Variants in GPR174 observed in about 807,000 individuals in gnomAD.
The protein encoded by GPR174 is G protein-coupled receptor 174.
GPR174 carries 8 observed loss-of-function variants against 16.5 expected under a neutral mutation model. The ratio of observed to expected loss-of-function variants is 0.48; its 90% CI spans 0.28 to 0.87. GPR174 has a LOEUF of 0.87. Among genes scored for constraint, GPR174 ranks in the 40% least tolerant of loss-of-function variants. The pLI is 0.09. For missense variants in GPR174, 214 were observed against 247.5 expected, an observed-to-expected ratio of 0.86 and a Z score of 0.91; for synonymous variants, 111 against 94.8, an observed-to-expected ratio of 1.17 and a Z score of -0.99.
intron 2 of GPR174, among the ~76,000 whole-genome samples, chrX:79,166,899 C>T (rs1054110480): frequency 9.0e-6 from 1 of 111,573 alleles, no homozygotes; most frequent in Non-Finnish European, 1.9e-5. Flanking sequence ...AAGCTGCTCA[C>T]AATTTTCTGG....
intron 1 of GPR174, among the ~76,000 whole-genome samples, chrX:79,152,121 G>A (rs1602336469): frequency 1.8e-5 from 2 of 111,662 alleles, no homozygotes; most frequent in Middle Eastern, 9.1e-3. Context: ...CAAAAGGAAA[G>A]GGCTCAAAAA....
chrX:79,144,980 TTC>T lies in GPR174; in HGVS notation c.-889_-888del, dbSNP rs1926459026. 1.6e-5 allele frequency: 1 copy of T among 63,761 alleles called. No homozygotes were observed. Among genetic ancestry groups the T allele is most frequent in the Admixed American group, 2.0e-4 (1 of 4,921 alleles). The allele number at this position is 63,761 out of a possible 1,213,427, so 5.3% of individuals were successfully genotyped here. On this transcript the variant is annotated 5_prime_UTR_variant, in exon 1 of 3. Coordinates refer to ENST00000645147, the MANE Select transcript of GPR174 (RefSeq NM_032553.3). The stretch of plus-strand genomic sequence containing the variant: ...TTTCTTTCTTTCTCTTTCTTTCTTT[TTC>T]TTTCTTTCTTTCTCTCTCTCTCTCT...
intron 1 of GPR174, among the ~76,000 whole-genome samples, chrX:79,153,675 A>C (rs1921030480): frequency 1.8e-5 from 2 of 112,052 alleles, no homozygotes; most frequent in African/African-American, 6.5e-5. Context: ...ATTTGATGTA[A>C]AAAATTGACA....
At chrX:79,150,754 C>T (rs775949536) in intron 1 of GPR174, among the ~76,000 whole-genome samples, 4 of 112,052 alleles carry the variant, frequency 3.6e-5, no homozygotes, top group Non-Finnish European at 7.5e-5. Context: ...CAGTCTCACT[C>T]GTAAGCATAA....
chrX:79,172,072 C>A lies in GPR174; in HGVS notation c.*63C>A. On this transcript the variant is annotated 3_prime_UTR_variant, in exon 3 of 3. Coordinates refer to ENST00000645147, the MANE Select transcript of GPR174 (RefSeq NM_032553.3). ...TACATCAGAACATATCTGCAATACC[C>A]AAGCCACAGGGAAGAACTTGCAAAA... is the stretch of plus-strand genomic sequence containing the variant. The A allele has an allele frequency of 1.9e-6, 2 of 1,070,630 alleles. No homozygotes were observed. Among genetic ancestry groups the A allele is most frequent in the South Asian group, 2.2e-5 (1 of 44,565 alleles). The allele number at this position is 1,070,630 out of a possible 1,213,427, so 88.2% of individuals were successfully genotyped here. A position where few individuals can be genotyped will look rare whatever the true frequency, so the allele number is the denominator to read the frequency against.
chrX:79,169,745 G>A (rs981931034), intron 2 of GPR174, among the ~76,000 whole-genome samples: 2 of 111,754 alleles, frequency 1.8e-5, no homozygotes, highest in African/African-American at 6.5e-5. Flanking sequence ...CATAGACCCA[G>A]CTGAGTCAAC....
In GPR174 at chrX:79,171,115, G is replaced by A; in HGVS notation, c.108G>A (p.Gly36=). Residue 36 remains glycine (G), a synonymous_variant, in exon 3 of 3, where the codon GGG becomes GGA. Transcript: ENST00000645147. ...TCATTCTTGTGCCAGGTCTCATAGGGAATATATTAGCCCTGTGGGTATTCT... is the reference window on the plus strand; with the variant it reads ...TCATTCTTGTGCCAGGTCTCATAGGAAATATATTAGCCCTGTGGGTATTCT... The part of the protein sequence containing the change: ...YTVILVPGLI[G]NILALWVFYG... 8.3e-7 allele frequency: 1 copy of A among 1,207,358 alleles called. No individual in the cohort carries two copies. The highest frequency in any genetic ancestry group is 1.1e-6 in the Non-Finnish European group (1 of 892,218).
chrX:79,150,971 A>G (rs757897208), intron 1 of GPR174, among the ~76,000 whole-genome samples: 6 of 111,347 alleles, frequency 5.4e-5, no homozygotes, highest in Non-Finnish European at 1.1e-4. Context: ...CTCACCATGA[A>G]CTAAGGGTCA....
At chrX:79,166,815 G>A (rs767848587) in intron 2 of GPR174, among the ~76,000 whole-genome samples, 2 of 111,491 alleles carry the variant, frequency 1.8e-5, no homozygotes, top group Admixed American at 9.6e-5. Context: ...ACTGAGTTTC[G>A]TCTACATGCA....
intron 2 of GPR174, among the ~76,000 whole-genome samples, chrX:79,165,463 T>C (rs1179553024): frequency 1.8e-5 from 2 of 111,487 alleles, no homozygotes; most frequent in Non-Finnish European, 3.8e-5. Context: ...TTTAAGTTCC[T>C]GGGCCCCATC....
intron 1 of GPR174, among the ~76,000 whole-genome samples, chrX:79,149,852 G>C (rs1373094053): frequency 2.7e-5 from 2 of 73,342 alleles, no homozygotes; most frequent in African/African-American, 1.0e-4. Flanking sequence ...CATGAAATTT[G>C]GTTAAGCAAA....
chrX:79,157,638 C>T (rs771373411), intron 2 of GPR174, among the ~76,000 whole-genome samples: 1 of 111,896 alleles, frequency 8.9e-6, no homozygotes, highest in Middle Eastern at 4.6e-3. Flanking sequence ...TTACAGTAGC[C>T]GTAGGTGAAT....
At chrX:79,160,436 A>T in intron 2 of GPR174, among the ~76,000 whole-genome samples, 1 of 112,080 alleles carries the variant, frequency 8.9e-6, no homozygotes, top group Non-Finnish European at 1.9e-5. Context: ...GCTTTTTAAT[A>T]AATTTATTAT....
chrX:79,157,932 A>G (rs1921137778), intron 2 of GPR174, among the ~76,000 whole-genome samples: 1 of 109,544 alleles, frequency 9.1e-6, no homozygotes, highest in Admixed American at 9.6e-5. Context: ...CAACCATTGT[A>G]GCATTATGTT....
At chrX:79,146,689 C>T (rs763578775) in intron 1 of GPR174, among the ~76,000 whole-genome samples, 5 of 111,798 alleles carry the variant, frequency 4.5e-5, no homozygotes, top group Admixed American at 1.9e-4. Context: ...CAGATTAATA[C>T]GATGCTGAAT....
In GPR174 at chrX:79,171,932, C is replaced by T; in HGVS notation, c.925C>T (p.His309Tyr). ...AAGACGGCTTTCAAGACAAGATTTG[C>T]ATGACAGCATCCAACTCCATGCAAA... is the stretch of plus-strand genomic sequence containing the variant. ...FRRRLSRQDL[H>Y]DSIQLHAKSF... is the part of the protein sequence containing the mutation. The change falls in exon 3 of 3, where the codon CAT becomes TAT. Residue 309 changes from histidine to tyrosine, a missense_variant. Transcript: ENST00000645147. 8.3e-7 allele frequency: 1 copy of T among 1,210,053 alleles called. No homozygotes were observed. The highest frequency in any genetic ancestry group is 1.1e-6 in the Non-Finnish European group (1 of 894,528).
chrX:79,157,662 G>A (rs1260358659), intron 2 of GPR174, among the ~76,000 whole-genome samples: 3 of 111,810 alleles, frequency 2.7e-5, no homozygotes, highest in African/African-American at 9.8e-5. Context: ...TTGAATGCTT[G>A]GCAAATTTCT....
At chrX:79,148,852 G>A (rs1926550597) in intron 1 of GPR174, among the ~76,000 whole-genome samples, 1 of 111,648 alleles carries the variant, frequency 9.0e-6, no homozygotes, top group Non-Finnish European at 1.9e-5. Flanking sequence ...TACAACTTAA[G>A]TATAGGATGA....
chrX:79,164,080 G>A (rs915753564), intron 2 of GPR174, among the ~76,000 whole-genome samples: 4 of 111,225 alleles, frequency 3.6e-5, no homozygotes, highest in African/African-American at 9.8e-5. Context: ...CATACTTGGG[G>A]CATCCTTATT....
Sources: allele counts gnomAD v4.1 joint callset (sites outside exome capture counted in the v4.1 genomes callset), GRCh38; gene constraint gnomAD v4.1.1; transcripts MANE v1.5; gene names NCBI Gene and HGNC (gene_info 2026-07-23, HGNC 2026-07-21).